The following DNAH9 variants were observed in gnomAD, a reference collection of about 807,000 sequenced individuals.
The protein encoded by DNAH9 is DNAH9 variant protein.
A neutral mutation model predicts 471.6 loss-of-function variants in DNAH9; 345 were observed. The ratio of observed to expected loss-of-function variants is 0.73; its 90% CI spans 0.67 to 0.80. The LOEUF (loss-of-function observed/expected upper bound fraction) is 0.80, where lower values mean the gene tolerates loss of function less well. Ranked by LOEUF, DNAH9 falls within the 30% of genes least tolerant of loss-of-function variation. The probability of loss-of-function intolerance (pLI) is 0.00; values close to 1 mark genes in which losing one functional copy is unlikely to be tolerated. For missense variants in DNAH9, 5,407 were observed against 5,609.2 expected (o/e 0.96, Z 1.15); for synonymous variants, 2,093 against 2,123.6 (o/e 0.99, Z 0.40).
intron 32 of DNAH9, among the ~76,000 whole-genome samples, chr17:11,748,037 G>A (rs963078582): frequency 1.3e-5 from 2 of 151,552 alleles, no homozygotes; most frequent in African/African-American, 4.9e-5. Context: ...GGGCACAGTG[G>A]CTCACGCCTG....
At chr17:11,881,682 G>A (rs1309283532) in intron 55 of DNAH9, among the ~76,000 whole-genome samples, 1 of 152,154 alleles carries the variant, frequency 6.6e-6, no homozygotes, top group Non-Finnish European at 1.5e-5. Flanking sequence ...GCCAAGGTGG[G>A]CGGATCATGA....
In DNAH9 at chr17:11,883,898, C is replaced by A. The variant is rs994696477; in HGVS notation, c.10971+148C>A. 1.5e-5 allele frequency: 14 copies of A among 915,412 alleles called. No homozygotes were observed. The African/African-American group carries it at 2.0e-4, about 13-fold the overall frequency. The allele number at this position is 915,412 out of a possible 1,614,324, so 56.7% of individuals were successfully genotyped here. A position where few individuals can be genotyped will look rare whatever the true frequency, so the allele number is the denominator to read the frequency against. ...TCTTAGCAAGGTTCTTCTAGAAAGT[C>A]TACCTAGGCAGGACTCCTGAAGTGA... On this transcript the variant is annotated intron_variant, in intron 56 of 68. Transcript: ENST00000262442.
At chr17:11,966,421 G>C (rs1289555484) in intron 68 of DNAH9, among the ~76,000 whole-genome samples, 1 of 151,874 alleles carries the variant, frequency 6.6e-6, no homozygotes, top group Non-Finnish European at 1.5e-5. Flanking sequence ...GAGAGAGACA[G>C]AGAGAGAGAG....
chr17:11,909,473 G>C (rs553418575), intron 61 of DNAH9, among the ~76,000 whole-genome samples: 7 of 152,168 alleles, frequency 4.6e-5, no homozygotes, highest in African/African-American at 1.4e-4. Flanking sequence ...GCCTTGCCTT[G>C]TGTTTCTCAG....
At chr17:11,826,652 C>T (rs867203309) in intron 48 of DNAH9, among the ~76,000 whole-genome samples, 4 of 148,884 alleles carry the variant, frequency 2.7e-5, no homozygotes, top group East Asian at 2.0e-4. Context: ...TTAATGGAGA[C>T]GGGGTTTCAC....
In DNAH9 at chr17:11,669,688, G is replaced by A. The variant is rs759832018; in HGVS notation, c.3247G>A (p.Gly1083Ser). The A allele has an allele frequency of 9.9e-6, 16 of 1,613,902 alleles. No individual in the cohort carries two copies. Among genetic ancestry groups the A allele is most frequent in the Non-Finnish European group, 1.2e-5 (14 of 1,179,986 alleles). The part of the protein sequence containing the change: ...CRLEPIKVFD[G>S]WMKIDIRPFK... ...GCTGGAACCCATCAAGGTGTTTGAC[G>A]GCTGGATGAAAATTGATATTCGACC... Residue 1083 changes from glycine (G) to serine (S), a missense_variant, in exon 17 of 69, where the codon GGC (glycine) becomes AGC (serine). Gly to Ser is a moderately conservative substitution (Grantham distance 56). Coordinates refer to ENST00000262442, the MANE Select transcript of DNAH9 (RefSeq NM_001372.4).
intron 44 of DNAH9, among the ~76,000 whole-genome samples, chr17:11,808,942 A>C (rs913975980): frequency 4.6e-5 from 7 of 152,222 alleles, no homozygotes; most frequent in African/African-American, 1.4e-4. Context: ...AACAAAAATC[A>C]GTATATTTAA....
chr17:11,626,484 C>T lies in DNAH9; in HGVS notation c.1351-2933C>T, dbSNP rs1486737391. Among the ~76,000 whole-genome samples the T allele has an allele frequency of 2.0e-5, 3 of 152,162 alleles. No homozygotes were observed. The highest frequency in any genetic ancestry group is 4.4e-5 in the Non-Finnish European group (3 of 68,034). Reference sequence around the variant, plus strand: ...GCCTCCAACATCAAACTTATTAAAACCCCTTCAGCGATGGAGAGCTCCCTC... The same window carrying T: ...GCCTCCAACATCAAACTTATTAAAATCCCTTCAGCGATGGAGAGCTCCCTC... On this transcript the variant is annotated intron_variant, in intron 6 of 68. Coordinates refer to ENST00000262442, the MANE Select transcript of DNAH9 (RefSeq NM_001372.4). This position sits in a 1 kb window ranked among gnomAD's most constrained non-coding sequence, Gnocchi z 4.3.
intron 6 of DNAH9, among the ~76,000 whole-genome samples, chr17:11,622,700 T>C (rs2072893101): frequency 6.6e-6 from 1 of 152,224 alleles, no homozygotes; most frequent in African/African-American, 2.4e-5. Context: ...CTGCAGGATA[T>C]GTTCAGTAAA....
In DNAH9 at chr17:11,881,405, C is replaced by T; in HGVS notation, c.10798C>T (p.Gln3600Ter). 1 of 1,612,412 alleles carries T rather than the reference C, an allele frequency of 6.2e-7. No individual in the cohort carries two copies. Among genetic ancestry groups the T allele is most frequent in the Non-Finnish European group, 8.5e-7 (1 of 1,179,404 alleles). The change falls in exon 55 of 69, where the codon CAG (glutamine) becomes TAG (stop). Residue 3600 changes from glutamine (Q) to a stop codon, truncating the protein, a stop_gained. Transcript: ENST00000262442. LOFTEE classifies it high-confidence loss of function. ...CAGCATGGAGAGGCCAGACTTGGAG[C>T]AGCTGAAGGTGAGGACAGAAGGGAG... The part of the protein sequence containing the change: ...VVSMERPDLE[Q>*]LKSDLTKQQN...
chr17:11,964,438 TA>T (rs1414976258), intron 68 of DNAH9, among the ~76,000 whole-genome samples: 3 of 152,140 alleles, frequency 2.0e-5, no homozygotes, highest in Non-Finnish European at 4.4e-5. Flanking sequence ...TCATTGTAAA[TA>T]ATAATAAAAA....
chr17:11,811,035 CAAA>C (rs1969879803), intron 45 of DNAH9, among the ~76,000 whole-genome samples: 1 of 152,160 alleles, frequency 6.6e-6, no homozygotes, highest in Admixed American at 6.5e-5. Flanking sequence ...CAATCCCCCA[CAAA>C]GTGAAAACTC....
chr17:11,941,019 G>A (rs538859140), intron 66 of DNAH9, among the ~76,000 whole-genome samples: 10 of 152,264 alleles, frequency 6.6e-5, no homozygotes, highest in African/African-American at 2.2e-4. Context: ...CCAGGTAAAA[G>A]AAGGGTAGAC....
chr17:11,646,390 C>G (rs1208914708), intron 11 of DNAH9, among the ~76,000 whole-genome samples: 1 of 152,152 alleles, frequency 6.6e-6, no homozygotes, highest in African/African-American at 2.4e-5. Context: ...CTGTCAGGTA[C>G]TCATCCATCA....
intron 28 of DNAH9, among the ~76,000 whole-genome samples, chr17:11,731,835 T>C (rs1327864040): frequency 6.6e-6 from 1 of 152,174 alleles, no homozygotes; most frequent in Admixed American, 6.5e-5. Context: ...GTCTTCGCTA[T>C]TGTGAATAGT....
intron 61 of DNAH9, among the ~76,000 whole-genome samples, chr17:11,917,306 A>G (rs891508700): frequency 2.0e-5 from 3 of 151,992 alleles, no homozygotes; most frequent in South Asian, 2.1e-4. Context: ...ACAGGCGCCC[A>G]CCACCATTCC....
chr17:11,675,182 G>A (rs1158655159), intron 17 of DNAH9, among the ~76,000 whole-genome samples: 1 of 151,726 alleles, frequency 6.6e-6, no homozygotes, highest in African/African-American at 2.4e-5. Context: ...GCATATTTTT[G>A]TTCAAATATA....
At chr17:11,866,626 G>A (rs1006520900) in intron 50 of DNAH9, among the ~76,000 whole-genome samples, 35 of 152,338 alleles carry the variant, frequency 2.3e-4, no homozygotes, top group South Asian at 4.1e-4. Context: ...CCCAGAGGTG[G>A]AGCCTACAGA....
chr17:11,874,771 A>C (rs1019379251), intron 52 of DNAH9, among the ~76,000 whole-genome samples, 178 bp from the exon 53 acceptor site: 1 of 151,830 alleles, frequency 6.6e-6, no homozygotes, highest in African/African-American at 2.4e-5. Context: ...AAAAAAAGCT[A>C]TCAGGACTTT....
Sources: allele counts gnomAD v4.1 joint callset (sites outside exome capture counted in the v4.1 genomes callset), GRCh38; gene constraint gnomAD v4.1.1; non-coding constraint Gnocchi (gnomAD v3.1); transcripts MANE v1.5; gene names NCBI Gene and HGNC (gene_info 2026-07-23, HGNC 2026-07-21).